PTPRN2: variants seen among roughly 807,000 people sequenced by gnomAD.
PTPRN2 encodes the protein protein tyrosine phosphatase receptor type N2.
In PTPRN2, 74 loss-of-function variants were observed where a neutral mutation model predicts 118.8. The ratio of observed to expected loss-of-function variants is 0.62; its 90% CI spans 0.52 to 0.76. PTPRN2 has a LOEUF of 0.76. Among genes scored for constraint, PTPRN2 ranks in the 30% least tolerant of loss-of-function variants. The pLI is 0.00. For missense variants in PTPRN2, 1,481 were observed against 1,394.4 expected, an observed-to-expected ratio of 1.06 and a Z score of -0.99; for synonymous variants, 641 against 608.0, an observed-to-expected ratio of 1.05 and a Z score of -0.80.
At chr7:158,569,787 G>T (rs1296152249) in intron 1 of PTPRN2, among the ~76,000 whole-genome samples, 1 of 135,716 alleles carries the variant, frequency 7.4e-6, no homozygotes, top group Admixed American at 7.0e-5. Context: ...GCGCGAGGCC[G>T]CCTGACTGAC....
chr7:157,562,571 GCCTTCAAAGTCCGGGGA>G lies in PTPRN2; in HGVS notation c.2902+6314_2902+6330del, dbSNP rs1345391606. 1.4e-4 allele frequency among the ~76,000 whole-genome samples: 21 copies of G among 152,342 alleles called. No homozygotes were observed. In the South Asian group the frequency reaches 2.7e-3, roughly 20 times the overall value. ...ACAAGGCGGCTCTGGAGGGCTGCTGGCCTTCAAAGTCCGGGGACCTTCAAAGTCCGGGGAGCCACAAA... is the reference window on the plus strand; with the variant it reads ...ACAAGGCGGCTCTGGAGGGCTGCTGGCCTTCAAAGTCCGGGGAGCCACAAA... On this transcript the variant is annotated intron_variant, in intron 21 of 22. Transcript: ENST00000389418.
chr7:158,045,643 G>T (rs1368503772), intron 11 of PTPRN2, among the ~76,000 whole-genome samples: 1 of 152,256 alleles, frequency 6.6e-6, no homozygotes, highest in South Asian at 2.1e-4. Context: ...AACAGAGAGT[G>T]CAAAGGGCTT....
At chr7:157,851,923 G>A (rs1419213635) in intron 12 of PTPRN2, among the ~76,000 whole-genome samples, 7 of 152,184 alleles carry the variant, frequency 4.6e-5, no homozygotes, top group Non-Finnish European at 1.0e-4. Context: ...TTGTGCCTCC[G>A]CCCACCTCGC....
rs529000424 is a variant in PTPRN2, at chr7:158,310,870, C to T, written c.277+5949G>A. On this transcript the variant is annotated intron_variant, in intron 3 of 22. Transcript: ENST00000389418. ...ATCCCACGGAGGGCGAGCCCTGAGC[C>T]TGACAGAGCGCGAGTCACACGGAGG... is the stretch of plus-strand genomic sequence containing the variant. Among the ~76,000 whole-genome samples, 21 of 65,364 alleles carry T rather than the reference C, an allele frequency of 3.2e-4. 1 individual carries two copies. Among genetic ancestry groups the T allele is most frequent in the African/African-American group, 7.4e-4 (15 of 20,358 alleles). 42.9% of individuals were successfully genotyped at this position (65,364 alleles called of 152,430 possible). A position where few individuals can be genotyped will look rare whatever the true frequency, so the allele number is the denominator to read the frequency against.
intron 1 of PTPRN2, among the ~76,000 whole-genome samples, chr7:158,548,227 C>A (rs114082416): frequency 2.6e-5 from 4 of 152,356 alleles, no homozygotes; most frequent in African/African-American, 9.6e-5. Context: ...CCTAGTGGAT[C>A]AGACGCTGTG....
chr7:158,202,291 C>T (rs1826701444), intron 4 of PTPRN2, among the ~76,000 whole-genome samples: 1 of 152,310 alleles, frequency 6.6e-6, no homozygotes, highest in Non-Finnish European at 1.5e-5. Context: ...TTGAGGAAGA[C>T]GATGGGCCAC....
intron 2 of PTPRN2, among the ~76,000 whole-genome samples, chr7:158,320,806 C>T (rs1004580062): frequency 1.3e-5 from 2 of 152,120 alleles, no homozygotes; most frequent in Non-Finnish European, 2.9e-5. Context: ...AAGGAAGGAG[C>T]CCAGAAGCTC....
At chr7:157,795,152 C>T (rs543453774) in intron 12 of PTPRN2, among the ~76,000 whole-genome samples, 16 of 109,848 alleles carry the variant, frequency 1.5e-4, no homozygotes, top group African/African-American at 4.3e-4. Context: ...GGAGGCACTT[C>T]GGCGGGGTCG....
chr7:157,657,484 A>C (rs1795599736), intron 13 of PTPRN2, among the ~76,000 whole-genome samples: 1 of 32,054 alleles, frequency 3.1e-5, no homozygotes, highest in African/African-American at 8.0e-5. Context: ...CACACACACC[A>C]CACACATCAC....
chr7:158,550,082 G>C (rs1163717713), intron 1 of PTPRN2, among the ~76,000 whole-genome samples: 1 of 152,158 alleles, frequency 6.6e-6, no homozygotes, highest in African/African-American at 2.4e-5. Flanking sequence ...CATCCTCAGA[G>C]CCCCCCAGCC....
chr7:158,365,123 T>C lies in PTPRN2; in HGVS notation c.164-48191A>G, dbSNP rs888202860. On this transcript the variant is annotated intron_variant, in intron 2 of 22. Coordinates refer to ENST00000389418, the MANE Select transcript of PTPRN2 (RefSeq NM_002847.5). ...TAGCCTTCACTCTTCAGACACAATC[T>C]GAAAAAACCCCAGACTCGAAAGCGT... 3.9e-5 allele frequency among the ~76,000 whole-genome samples: 6 copies of C among 152,164 alleles called. 1 individual carries two copies. Among genetic ancestry groups the C allele is most frequent in the Admixed American group, 3.9e-4 (6 of 15,280 alleles).
chr7:158,582,466 C>A (rs922932687), intron 1 of PTPRN2, among the ~76,000 whole-genome samples: 3 of 151,992 alleles, frequency 2.0e-5, no homozygotes, highest in African/African-American at 7.3e-5. Flanking sequence ...TGCACGTAAT[C>A]CCAGCACTTT....
chr7:158,533,188 A>T (rs918310159), intron 1 of PTPRN2, among the ~76,000 whole-genome samples: 1 of 152,190 alleles, frequency 6.6e-6, no homozygotes, highest in African/African-American at 2.4e-5. Flanking sequence ...ATCCCTGGAG[A>T]TACTGGGCTG....
At chr7:157,612,650 C>T (rs773984328) in intron 15 of PTPRN2, among the ~76,000 whole-genome samples, 5 of 152,204 alleles carry the variant, frequency 3.3e-5, no homozygotes, top group East Asian at 1.9e-4. Context: ...CCCCACAGCA[C>T]GGGGCGCAGG....
rs1428939209 is a variant in PTPRN2 at position 158,081,356 on chromosome 7, G to A, written c.1665C>T (p.Thr555=). 5 of 1,614,160 alleles carry A rather than the reference G, an allele frequency of 3.1e-6. No homozygotes were observed. ...ADVEVLGPAV[T]FKVSANVQNV... ...TTTGGACATTGGCGCTCACTTTGAAGGTCACTGCTGGTCCGAGAACCCTGG... is the reference window on the plus strand; with the variant it reads ...TTTGGACATTGGCGCTCACTTTGAAAGTCACTGCTGGTCCGAGAACCCTGG... The change falls in exon 11 of 23, where the codon ACC becomes ACT. Residue 555 remains threonine (T), a synonymous_variant. Transcript: ENST00000389418.
rs748759906 is a variant in PTPRN2 at position 157,898,684 on chromosome 7, C to T, written c.1777G>A (p.Gly593Arg). 16 of 1,601,738 alleles carry T rather than the reference C, an allele frequency of 1.0e-5. No individual in the cohort carries two copies. The highest frequency in any genetic ancestry group is 1.7e-4 in the Middle Eastern group (1 of 6,058). ...ETSGLKILQT[G>R]VGSKSKLKFL... ...CTTCTGTTACTCACCGACCCGACTCCGGTTTGAAGAATTTTCAGTCCAGAG... is the reference window on the plus strand; with the variant it reads ...CTTCTGTTACTCACCGACCCGACTCTGGTTTGAAGAATTTTCAGTCCAGAG... Residue 593 changes from glycine to arginine, a missense_variant, in exon 12 of 23, where the codon GGA becomes AGA. Physicochemically the swap from Gly to Arg is moderately radical, Grantham distance 125. This residue lies in a region of PTPRN2 where 1,115 missense variants were observed against 994.2 expected (regional missense o/e 1.12). Transcript: ENST00000389418.
chr7:158,333,802 C>A (rs112432910), intron 2 of PTPRN2, among the ~76,000 whole-genome samples: 1 of 144,122 alleles, frequency 6.9e-6, no homozygotes, highest in African/African-American at 2.6e-5. Context: ...ACCATAAGAG[C>A]TGAGGCCCAC....
intron 12 of PTPRN2, among the ~76,000 whole-genome samples, chr7:157,800,727 C>T (rs1334005070): frequency 2.0e-5 from 3 of 151,848 alleles, no homozygotes; most frequent in Non-Finnish European, 2.9e-5. Flanking sequence ...CCGAGGCGGG[C>T]GGATCACGAG....
intron 12 of PTPRN2, among the ~76,000 whole-genome samples, chr7:157,837,190 C>T (rs10225749): frequency 0.017 from 2,406 of 139,904 alleles, 45 homozygotes; most frequent in South Asian, 0.067. Flanking sequence ...CATCCACCCA[C>T]CCATCCACTC....
Sources: allele counts gnomAD v4.1 joint callset (sites outside exome capture counted in the v4.1 genomes callset), GRCh38; gene constraint gnomAD v4.1.1; regional missense constraint gnomAD v4.1.1; transcripts MANE v1.5; gene names NCBI Gene and HGNC (gene_info 2026-07-23, HGNC 2026-07-21).